SMOC2: variants seen among roughly 807,000 people sequenced by gnomAD.
SMOC2 encodes SPARC related modular calcium binding 2, also known as SPARC-related modular calcium-binding protein 2.
Under a neutral mutation model 61.4 loss-of-function variants are expected in SMOC2, and 39 were observed. The observed-to-expected ratio is 0.64, with a 90% CI of 0.49 to 0.83. The LOEUF (loss-of-function observed/expected upper bound fraction) is 0.83. Ranked by LOEUF, SMOC2 falls within the 40% of genes least tolerant of loss-of-function variation. SMOC2 has a pLI of 0.00. For synonymous variants in SMOC2, 247 were observed against 239.9 expected, an observed-to-expected ratio of 1.03 and a Z score of -0.27; for missense variants, 556 against 592.9, an observed-to-expected ratio of 0.94 and a Z score of 0.65.
At chr6:168,566,834 A>G (rs1784555471) in intron 7 of SMOC2, among the ~76,000 whole-genome samples, 1 of 152,182 alleles carries the variant, frequency 6.6e-6, no homozygotes, top group Admixed American at 6.5e-5. Flanking sequence ...TAGACTTTGC[A>G]AAGTGTAGAG....
In SMOC2 at chr6:168,598,913, C is replaced by T. The variant is rs777247241; in HGVS notation, c.733C>T (p.Leu245Phe). ...GATCCCTGAGTGTGCGCACGGCGGC[C>T]TCTACAAGCCAGTGCAGTGCCACCC... ...VVIPECAHGGLYKPVQCHPST... is the reference protein window; with the variant it reads ...VVIPECAHGGFYKPVQCHPST... Residue 245 changes from leucine to phenylalanine, a missense_variant, in exon 8 of 13, where the codon CTC becomes TTC. By Grantham distance (22) the Leu-to-Phe change is conservative (BLOSUM62 0). Coordinates refer to ENST00000356284, the MANE Select transcript of SMOC2 (RefSeq NM_001166412.2). The T allele has an allele frequency of 1.2e-6, 2 of 1,612,992 alleles. No homozygotes were observed. Among genetic ancestry groups the T allele is most frequent in the Non-Finnish European group, 1.7e-6 (2 of 1,179,696 alleles).
intron 11 of SMOC2, among the ~76,000 whole-genome samples, chr6:168,660,406 A>C (rs1216834263): frequency 6.6e-6 from 1 of 152,210 alleles, no homozygotes; most frequent in Non-Finnish European, 1.5e-5. Flanking sequence ...GGATACATGG[A>C]GTTCTCAGTA....
At chr6:168,570,314 C>T (rs1784636294) in intron 7 of SMOC2, among the ~76,000 whole-genome samples, 1 of 152,176 alleles carries the variant, frequency 6.6e-6, no homozygotes, top group Non-Finnish European at 1.5e-5. Context: ...TGTGACTTCT[C>T]TGTGGGGGTC....
At chr6:168,559,601 A>G (rs924472909) in intron 7 of SMOC2, among the ~76,000 whole-genome samples, 6 of 152,308 alleles carry the variant, frequency 3.9e-5, no homozygotes, top group South Asian at 2.1e-4. Context: ...CATGAATAAT[A>G]TGACCCTTTG....
intron 1 of SMOC2, among the ~76,000 whole-genome samples, chr6:168,495,248 C>T (rs1411266850): frequency 6.6e-6 from 1 of 152,198 alleles, no homozygotes. Flanking sequence ...CTCCTTGTGG[C>T]CCAGGTGTAG....
At chr6:168,448,274 G>A (rs1003966096) in intron 1 of SMOC2, among the ~76,000 whole-genome samples, 2 of 152,208 alleles carry the variant, frequency 1.3e-5, no homozygotes, top group African/African-American at 4.8e-5. Context: ...GGGCTTTCAG[G>A]AGCAAAGCAG....
At chr6:168,562,072 C>T (rs112002499) in intron 7 of SMOC2, among the ~76,000 whole-genome samples, 1 of 13,188 alleles carries the variant, frequency 7.6e-5, no homozygotes, top group Non-Finnish European at 1.1e-4. Context: ...ACACAAGGCT[C>T]TCACTGCATT....
chr6:168,487,360 CTT>C (rs1782360249), intron 1 of SMOC2, among the ~76,000 whole-genome samples: 1 of 152,094 alleles, frequency 6.6e-6, no homozygotes, highest in African/African-American at 2.4e-5. Context: ...GCAAGGCAGT[CTT>C]TATTTCAGAA....
intron 8 of SMOC2, among the ~76,000 whole-genome samples, chr6:168,605,817 G>A (rs1032484544): frequency 2.6e-5 from 4 of 152,012 alleles, no homozygotes; most frequent in African/African-American, 7.2e-5. Flanking sequence ...ACACTACAGA[G>A]CAGTCCAGGG....
At chr6:168,459,710 G>GC (rs1357932854) in intron 1 of SMOC2, among the ~76,000 whole-genome samples, 5 of 134,018 alleles carry the variant, frequency 3.7e-5, no homozygotes, top group Non-Finnish European at 7.9e-5. Context: ...GGGTGGGTGA[G>GC]CCAGGGTGGG....
intron 1 of SMOC2, among the ~76,000 whole-genome samples, chr6:168,484,074 A>G (rs1241927197): frequency 1.3e-5 from 2 of 152,196 alleles, no homozygotes; most frequent in Non-Finnish European, 2.9e-5. Flanking sequence ...AGGCAACACA[A>G]GAAAAATTGT....
chr6:168,651,822 C>A (rs1329526716), intron 10 of SMOC2, among the ~76,000 whole-genome samples: 2 of 152,194 alleles, frequency 1.3e-5, no homozygotes, highest in East Asian at 3.9e-4. Flanking sequence ...AGGTGGATCA[C>A]CTGAGGTCAG....
chr6:168,658,060 C>T (rs1787371404), intron 11 of SMOC2, among the ~76,000 whole-genome samples: 1 of 152,130 alleles, frequency 6.6e-6, no homozygotes, highest in South Asian at 2.1e-4. Flanking sequence ...GACTTAAAAC[C>T]TACAAGCAGG....
At chr6:168,496,473 C>T in intron 1 of SMOC2, among the ~76,000 whole-genome samples, 1 of 152,210 alleles carries the variant, frequency 6.6e-6, no homozygotes, top group East Asian at 1.9e-4. Flanking sequence ...ATTCATGTGG[C>T]TAATGGTTTG....
chr6:168,547,366 A>G (rs1164089475), intron 6 of SMOC2, among the ~76,000 whole-genome samples, 197 bp downstream of exon 6: 1 of 152,012 alleles, frequency 6.6e-6, no homozygotes, highest in Non-Finnish European at 1.5e-5. Context: ...ACAAAACTCC[A>G]ATAGTGAGGA....
At chr6:168,531,754 G>A (rs1442650226) in intron 4 of SMOC2, among the ~76,000 whole-genome samples, 6 of 152,212 alleles carry the variant, frequency 3.9e-5, no homozygotes, top group African/African-American at 1.2e-4. Context: ...TTTTACAGAC[G>A]AGAAAACCTT....
chr6:168,554,487 C>A (rs1360909380), intron 7 of SMOC2, among the ~76,000 whole-genome samples: 1 of 152,146 alleles, frequency 6.6e-6, no homozygotes, highest in African/African-American at 2.4e-5. Context: ...CTCCTGGGCT[C>A]CTGGGCTCCT....
intron 1 of SMOC2, among the ~76,000 whole-genome samples, chr6:168,492,811 G>A (rs911298209): frequency 6.6e-6 from 1 of 152,174 alleles, no homozygotes. Context: ...GCAAGACATT[G>A]CATTTCTCTG....
At chr6:168,568,786 C>T (rs1784602081) in intron 7 of SMOC2, among the ~76,000 whole-genome samples, 1 of 152,132 alleles carries the variant, frequency 6.6e-6, no homozygotes, top group African/African-American at 2.4e-5. Flanking sequence ...AGTATGCATC[C>T]CTTAAAGACT....
Sources: allele counts gnomAD v4.1 joint callset (sites outside exome capture counted in the v4.1 genomes callset), GRCh38; gene constraint gnomAD v4.1.1; transcripts MANE v1.5; gene names NCBI Gene and HGNC (gene_info 2026-07-23, HGNC 2026-07-21).